Variants in FBXL13 observed in about 807,000 individuals in gnomAD.
FBXL13 encodes the protein F-box and leucine-rich repeat protein 13.
FBXL13 carries 67 observed loss-of-function variants against 83.6 expected under a neutral mutation model. The ratio of observed to expected loss-of-function variants is 0.80; its 90% CI spans 0.66 to 0.98. FBXL13 has a LOEUF of 0.98. Among genes scored for constraint, FBXL13 ranks in the 50% least tolerant of loss-of-function variants. FBXL13 has a pLI of 0.00. For missense variants in FBXL13, 822 were observed against 866.5 expected, an observed-to-expected ratio of 0.95 and a Z score of 0.64; for synonymous variants, 272 against 299.5, an observed-to-expected ratio of 0.91 and a Z score of 0.95.
intron 1 of FBXL13, among the ~76,000 whole-genome samples, chr7:103,071,898 T>G (rs1333142859): frequency 6.6e-6 from 1 of 152,100 alleles, no homozygotes; most frequent in Non-Finnish European, 1.5e-5. Context: ...CCAGACATGG[T>G]GGGTCATGCT....
chr7:102,963,764 G>C, intron 7 of FBXL13, 99 bp from the exon 9 acceptor site: 1 of 1,190,110 alleles, frequency 8.4e-7, no homozygotes, highest in East Asian at 2.5e-5. Flanking sequence ...TTAAACTAAA[G>C]AGCTTCTGTA....
intron 6 of FBXL13, among the ~76,000 whole-genome samples, chr7:102,992,344 T>G (rs1288613403): frequency 6.6e-6 from 1 of 152,184 alleles, no homozygotes. Flanking sequence ...TATCATCTCC[T>G]TTTTACAAAT....
intron 17 of FBXL13, among the ~76,000 whole-genome samples, chr7:102,853,707 A>G (rs951853812): frequency 1.9e-4 from 29 of 152,312 alleles, no homozygotes; most frequent in African/African-American, 5.8e-4. Context: ...AAAAGTGGGC[A>G]AAGGACATGA....
At chr7:102,895,927 T>G (rs187958711) in intron 11 of FBXL13, among the ~76,000 whole-genome samples, 1 of 152,348 alleles carries the variant, frequency 6.6e-6, no homozygotes, top group East Asian at 1.9e-4. Context: ...TTTTAGCTAG[T>G]ACATTTTATC....
intron 6 of FBXL13, among the ~76,000 whole-genome samples, chr7:102,986,362 C>T (rs1386438640): frequency 1.3e-5 from 2 of 152,128 alleles, no homozygotes; most frequent in Admixed American, 1.3e-4. Flanking sequence ...ATATTTGTGC[C>T]ACATTCCCAT....
Position 102,827,664 on chromosome 7 carries a change from T to C in FBXL13, c.1854+5176A>G, listed in dbSNP as rs117885974. Among the ~76,000 whole-genome samples, 2,092 of 152,188 alleles carry C rather than the reference T, an allele frequency of 0.014. 115 individuals carry two copies. In the East Asian group the frequency reaches 0.16, roughly 12 times the overall value. ...TAACATTAGGTATATCTCGTAATGC[T>C]ATTCCTCCCCCCTCCCGCCACCCCA... is the stretch of plus-strand genomic sequence containing the variant. On this transcript the variant is annotated intron_variant, in intron 18 of 19. Transcript: ENST00000313221.
intron 6 of FBXL13, chr7:102,976,014 A>T (rs1827383221): frequency 1.3e-6 from 1 of 766,446 alleles, no homozygotes; most frequent in Non-Finnish European, 2.4e-6. Context: ...AAACCCAGGT[A>T]AACCCACGAG....
At chr7:102,951,805 C>CAAAA (rs5886239) in intron 8 of FBXL13, among the ~76,000 whole-genome samples, 1 of 88,098 alleles carries the variant, frequency 1.1e-5, no homozygotes, top group African/African-American at 4.2e-5. Context: ...ACTCTCTCTC[C>CAAAA]AAAAAAAAAA....
intron 6 of FBXL13, among the ~76,000 whole-genome samples, chr7:102,999,107 G>A (rs1790123504): frequency 6.6e-6 from 1 of 150,858 alleles, no homozygotes. Flanking sequence ...TACCCAAATT[G>A]TTGAGGGTTT....
intron 11 of FBXL13, among the ~76,000 whole-genome samples, chr7:102,911,521 A>G (rs1486570315): frequency 6.6e-6 from 1 of 152,146 alleles, no homozygotes; most frequent in Admixed American, 6.5e-5. Flanking sequence ...GGTGCCCATC[A>G]AAGTTAGGCT....
At chr7:102,948,212 C>T (rs866515275) in intron 8 of FBXL13, among the ~76,000 whole-genome samples, 5 of 151,880 alleles carry the variant, frequency 3.3e-5, no homozygotes, top group Admixed American at 1.3e-4. Context: ...TACAGGCGCC[C>T]GCCACCATGC....
intron 1 of FBXL13, among the ~76,000 whole-genome samples, chr7:103,062,904 G>A (rs944988563): frequency 6.6e-6 from 1 of 152,204 alleles, no homozygotes; most frequent in Non-Finnish European, 1.5e-5. Flanking sequence ...CTAGCACGTG[G>A]TAGAGACCCA....
chr7:102,939,486 T>C, intron 8 of FBXL13: 2 of 1,613,926 alleles, frequency 1.2e-6, no homozygotes, highest in Non-Finnish European at 1.7e-6. Flanking sequence ...TGACTTGTCA[T>C]ACAATAAAAT....
intron 11 of FBXL13, among the ~76,000 whole-genome samples, chr7:102,886,099 G>A (rs916952879): frequency 2.6e-5 from 4 of 152,124 alleles, no homozygotes; most frequent in Admixed American, 6.5e-5. Flanking sequence ...GAGAGTGTCC[G>A]AAATAATGAC....
chr7:102,906,001 G>A (rs989214321), intron 11 of FBXL13, among the ~76,000 whole-genome samples: 35 of 152,300 alleles, frequency 2.3e-4, no homozygotes, highest in African/African-American at 7.2e-4. Context: ...AGTTCCACAT[G>A]GCTGGGGAGG....
chr7:102,823,911 G>T (rs1407971004), intron 18 of FBXL13, among the ~76,000 whole-genome samples: 1 of 152,046 alleles, frequency 6.6e-6, no homozygotes, highest in African/African-American at 2.4e-5. Context: ...AGACATTCCT[G>T]CCATACTAGG....
chr7:102,819,144 G>A (rs1798441316), intron 19 of FBXL13, among the ~76,000 whole-genome samples: 1 of 152,080 alleles, frequency 6.6e-6, no homozygotes, highest in Non-Finnish European at 1.5e-5. Flanking sequence ...CTGGGTTGTG[G>A]GGGCCATTGT....
At chr7:102,915,085 G>C (rs1376598894) in intron 10 of FBXL13, among the ~76,000 whole-genome samples, 1 of 151,540 alleles carries the variant, frequency 6.6e-6, no homozygotes, top group African/African-American at 2.4e-5. Context: ...TAATCTCTCA[G>C]AGATTGTTTT....
chr7:102,843,058 C>T (rs569090501), intron 17 of FBXL13, among the ~76,000 whole-genome samples: 1 of 152,248 alleles, frequency 6.6e-6, no homozygotes, highest in Non-Finnish European at 1.5e-5. Flanking sequence ...ATAAATGTTA[C>T]CAAAGGGCAA....
Sources: allele counts gnomAD v4.1 joint callset (sites outside exome capture counted in the v4.1 genomes callset), GRCh38; gene constraint gnomAD v4.1.1; transcripts MANE v1.5; gene names NCBI Gene and HGNC (gene_info 2026-07-23, HGNC 2026-07-21).